Variants in MED1 observed in about 807,000 individuals in gnomAD.
MED1 encodes the protein mediator of RNA polymerase II transcription subunit 1.
In MED1, 17 loss-of-function variants were observed where a neutral mutation model predicts 121.3. That is an observed-to-expected ratio of 0.14 (90% CI 0.10 to 0.21). The LOEUF (loss-of-function observed/expected upper bound fraction) is 0.21. Among genes scored for constraint, MED1 ranks in the 10% least tolerant of loss-of-function variants. The pLI is 1.00. For synonymous variants in MED1, 661 were observed against 694.4 expected, an observed-to-expected ratio of 0.95 and a Z score of 0.76; for missense variants, 1,558 against 1,919.4, an observed-to-expected ratio of 0.81 and a Z score of 3.52.
At position 39,434,293 on chromosome 17, in the gene MED1, CT is replaced by C; in HGVS notation, c.455del (p.Lys152SerfsTer18). The C allele has an allele frequency of 6.4e-7, 1 of 1,565,984 alleles. No homozygotes were observed. Among genetic ancestry groups the C allele is most frequent in the Non-Finnish European group, 8.6e-7 (1 of 1,159,186 alleles). ...ACAGATTAACAAGGCCCTTAAGGTG[CT>C]TAGAAAATTCATCAAAATTTTTTTC... The part of the protein sequence containing the change: ...LREKNFDEFS[K>X]HLKGLVNLYN... On this transcript the variant is annotated frameshift_variant, in exon 7 of 17. Transcript: ENST00000300651. LOFTEE classifies it high-confidence loss of function.
intron 6 of MED1, among the ~76,000 whole-genome samples, chr17:39,435,917 C>T (rs1252548072): frequency 6.6e-6 from 1 of 151,962 alleles, no homozygotes; most frequent in Non-Finnish European, 1.5e-5. Flanking sequence ...CTGGATACTA[C>T]AAAAATTAGC....
chr17:39,419,364 C>T (rs2048439729), intron 14 of MED1, among the ~76,000 whole-genome samples: 1 of 152,058 alleles, frequency 6.6e-6, no homozygotes. Flanking sequence ...GCGTGAGCCA[C>T]CACACCTGGC....
In MED1 at chr17:39,407,220, C is replaced by T. The variant is rs1320354722; in HGVS notation, c.*255G>A. ...ACACCCCTCCCACCCCCCTCCCTTT[C>T]TTAAGCAAGTATTTTAACTTTCTTT... is the stretch of plus-strand genomic sequence containing the variant. On this transcript the variant is annotated 3_prime_UTR_variant, in exon 17 of 17. Coordinates refer to ENST00000300651, the MANE Select transcript of MED1 (RefSeq NM_004774.4). The T allele has an allele frequency of 8.0e-6, 3 of 376,154 alleles. No individual in the cohort carries two copies. The highest frequency in any genetic ancestry group is 8.0e-5 in the African/African-American group (3 of 37,712). The allele number at this position is 376,154 out of a possible 1,614,324, so 23.3% of individuals were successfully genotyped here.
chr17:39,432,124 C>T, intron 7 of MED1, 108 bp from the exon 8 acceptor site: 1 of 709,954 alleles, frequency 1.4e-6, no homozygotes, highest in Non-Finnish European at 2.4e-6. Context: ...GGGCAGATCA[C>T]CTGAGGTCAG....
At chr17:39,419,628 A>G (rs1349008676) in intron 14 of MED1, 89 bp downstream of exon 14, 19 of 1,343,878 alleles carry the variant, frequency 1.4e-5, no homozygotes, top group Non-Finnish European at 1.9e-5. Context: ...TTTAAGTTCT[A>G]CAGGTGATTC....
Position 39,442,524 on chromosome 17 carries a change from G to A in MED1, c.211+1026C>T, listed in dbSNP as rs560894072. Reference sequence around the variant, plus strand: ...AGCCAGGAGAATCGCTTGAACCCAGGAGGTGGAGGTTGCAGTGAGCCAAGA... The same window carrying A: ...AGCCAGGAGAATCGCTTGAACCCAGAAGGTGGAGGTTGCAGTGAGCCAAGA... On this transcript the variant is annotated intron_variant, in intron 3 of 16. Transcript: ENST00000300651. Among the ~76,000 whole-genome samples the A allele has an allele frequency of 2.0e-5, 3 of 150,638 alleles. No individual in the cohort carries two copies. The East Asian group carries it at 5.9e-4, about 30-fold the overall frequency.
In MED1 at chr17:39,424,630, T is replaced by C; in HGVS notation, c.848A>G (p.Lys283Arg). 6.4e-7 allele frequency: 1 copy of C among 1,570,904 alleles called. No homozygotes were observed. Among genetic ancestry groups the C allele is most frequent in the Non-Finnish European group, 8.7e-7 (1 of 1,149,920 alleles). The change falls in exon 11 of 17, where the codon AAA becomes AGA. Residue 283 changes from lysine to arginine, a missense_variant. Physicochemically the swap from Lys to Arg is conservative, Grantham distance 26 (BLOSUM62 2). Transcript: ENST00000300651. ...LIMGSHPVDN[K>R]WTPSFSSITS... is the part of the protein sequence containing the mutation. ...TCTAAAATTATATTTAACTTACCAT[T>C]TATTGTCAACTGGATGTGACCCCAT...
At chr17:39,431,883 TA>T in intron 8 of MED1, 58 bp downstream of exon 8, 1 of 1,232,824 alleles carries the variant, frequency 8.1e-7, no homozygotes, top group South Asian at 1.2e-5. Flanking sequence ...AATAGGACCC[TA>T]ATCTCCCCAG....
At chr17:39,419,600 G>GAAAA in intron 14 of MED1, 117 bp downstream of exon 14, 1 of 828,778 alleles carries the variant, frequency 1.2e-6, no homozygotes, top group Non-Finnish European at 1.8e-6. Flanking sequence ...TGCCAAATAT[G>GAAAA]AAAAAAAAAA....
At chr17:39,432,342 C>CA (rs36069735) in intron 7 of MED1, among the ~76,000 whole-genome samples, 1,979 of 81,004 alleles carry the variant, frequency 0.024, 158 homozygotes, top group African/African-American at 0.082. Context: ...GATTCCATCT[C>CA]AAAAAAAAAA....
At chr17:39,412,277 G>A (rs2048363658) in intron 16 of MED1, among the ~76,000 whole-genome samples, 2 of 140,446 alleles carry the variant, frequency 1.4e-5, no homozygotes, top group African/African-American at 5.5e-5. Flanking sequence ...TGCCCAGGCT[G>A]GAGTGCAATG....
intron 16 of MED1, 71 bp downstream of exon 16, chr17:39,414,955 A>C: frequency 7.3e-7 from 1 of 1,368,704 alleles, no homozygotes; most frequent in Non-Finnish European, 1.0e-6. Context: ...GGCGTGAGCC[A>C]CCGCGCCCTA....
intron 1 of MED1, among the ~76,000 whole-genome samples, 197 bp from the exon 2 acceptor site, chr17:39,448,101 G>A (rs8076041): frequency 0.1 from 15,729 of 150,762 alleles, 880 homozygotes; most frequent in African/African-American, 0.15. Context: ...TCTGATGTAA[G>A]GAATACCATA....
At chr17:39,437,315 TGATCTGCTCACTTC>T (rs1236247699) in intron 6 of MED1, among the ~76,000 whole-genome samples, 1 of 152,174 alleles carries the variant, frequency 6.6e-6, no homozygotes, top group Non-Finnish European at 1.5e-5. Flanking sequence ...TGGCCTCAAG[TGATCTGCTCACTTC>T]GACCTCCCAA....
At chr17:39,451,009 G>T in intron 1 of MED1, 29 bp downstream of exon 1, 2 of 1,581,378 alleles carry the variant, frequency 1.3e-6, no homozygotes, top group Non-Finnish European at 1.7e-6. Context: ...GTTGTGTCCC[G>T]CCCCCTCCTT....
chr17:39,437,174 C>T (rs1056533355), intron 6 of MED1, among the ~76,000 whole-genome samples: 4 of 152,116 alleles, frequency 2.6e-5, no homozygotes, highest in Non-Finnish European at 4.4e-5. Context: ...TCAGGTGATC[C>T]GCCTGCCTCG....
intron 13 of MED1, among the ~76,000 whole-genome samples, chr17:39,423,048 G>C (rs1013196354): frequency 6.6e-6 from 1 of 151,358 alleles, no homozygotes; most frequent in African/African-American, 2.4e-5. Flanking sequence ...TGTATTTTTA[G>C]TAGAGACAGG....
intron 8 of MED1, among the ~76,000 whole-genome samples, 177 bp downstream of exon 8, chr17:39,431,765 C>T (rs2048567008): frequency 6.6e-6 from 1 of 152,014 alleles, no homozygotes; most frequent in African/African-American, 2.4e-5. Flanking sequence ...GAGATAAAAC[C>T]TATGGTAACC....
At chr17:39,411,566 G>A (rs1045254785) in intron 16 of MED1, among the ~76,000 whole-genome samples, 5 of 152,144 alleles carry the variant, frequency 3.3e-5, no homozygotes, top group Non-Finnish European at 5.9e-5. Context: ...AGATCGCAGC[G>A]AGCCAAGATC....
Sources: gnomAD v4.1 joint callset for allele counts (sites outside exome capture counted in the v4.1 genomes callset) on GRCh38, gnomAD v4.1.1 for gene constraint, MANE v1.5 for transcripts, NCBI Gene and HGNC (gene_info 2026-07-23, HGNC 2026-07-21) for gene names.